TULP3: variants seen among roughly 807,000 people sequenced by gnomAD.
The protein encoded by TULP3 is TUB like protein 3, also known as tubby-related protein 3.
A neutral mutation model predicts 50.7 loss-of-function variants in TULP3; 38 were observed. That is an observed-to-expected ratio of 0.75 (90% CI 0.58 to 0.98). The LOEUF is 0.98. TULP3 is among the 50% of genes least tolerant of loss of function. The pLI, the probability that TULP3 is intolerant of heterozygous loss-of-function variation, is 0.00. For missense variants in TULP3, 550 were observed against 568.0 expected, an observed-to-expected ratio of 0.97 and a Z score of 0.32; for synonymous variants, 183 against 196.6, an observed-to-expected ratio of 0.93 and a Z score of 0.58.
At position 2,930,279 on chromosome 12, in the gene TULP3, G is replaced by C; in HGVS notation, c.426G>C (p.Glu142Asp). 2 of 1,612,836 alleles carry C rather than the reference G, an allele frequency of 1.2e-6. No individual in the cohort carries two copies. Among genetic ancestry groups the C allele is most frequent in the Non-Finnish European group, 1.7e-6 (2 of 1,179,370 alleles). ...CTGAAAGTGTGAACTTCGATGAGGAGACTGATGGAATATCCCAGTCAGCAT... is the reference window on the plus strand; with the variant it reads ...CTGAAAGTGTGAACTTCGATGAGGACACTGATGGAATATCCCAGTCAGCAT... The part of the protein sequence containing the change: ...DISESVNFDE[E>D]TDGISQSACL... The change falls in exon 5 of 11, where the codon GAG becomes GAC. Residue 142 changes from glutamate to aspartate, a missense_variant. Transcript: ENST00000448120.
chr12:2,891,550 C>T (rs2098172097), intron 1 of TULP3, among the ~76,000 whole-genome samples: 2 of 152,198 alleles, frequency 1.3e-5, no homozygotes, highest in African/African-American at 4.8e-5. Context: ...GTGGGCCACA[C>T]CCCTTGTTTG....
intron 6 of TULP3, among the ~76,000 whole-genome samples, chr12:2,932,718 G>T (rs905828828): frequency 2.0e-5 from 3 of 151,982 alleles, no homozygotes; most frequent in Non-Finnish European, 4.4e-5. Flanking sequence ...ATTTTGCAAG[G>T]TTGCCCAGGC....
chr12:2,908,373 TAA>T (rs1323437538), intron 1 of TULP3, among the ~76,000 whole-genome samples: 2 of 152,136 alleles, frequency 1.3e-5, no homozygotes, highest in African/African-American at 4.8e-5. Context: ...AGTCACAAAA[TAA>T]AAGTCTTAAA....
intron 1 of TULP3, among the ~76,000 whole-genome samples, chr12:2,906,831 GCTTGAAT>G (rs2098182586): frequency 6.6e-6 from 1 of 151,202 alleles, no homozygotes; most frequent in Non-Finnish European, 1.5e-5. Flanking sequence ...CAGGAGAATC[GCTTGAAT>G]CTGGGAAGCG....
chr12:2,923,979 TCAA>T (rs890006747), intron 4 of TULP3, among the ~76,000 whole-genome samples: 15 of 152,136 alleles, frequency 9.9e-5, no homozygotes, highest in Admixed American at 4.6e-4. Context: ...GGACCCCGTC[TCAA>T]CAACAACAAC....
In TULP3 at chr12:2,909,618, T is replaced by C. The variant is rs749655268; in HGVS notation, c.93+38T>C. On this transcript the variant is annotated intron_variant, in intron 2 of 10. Coordinates refer to ENST00000448120, the MANE Select transcript of TULP3 (RefSeq NM_003324.5). ...TCCTCTTTTGAAATAGGTGGCCAAC[T>C]ATACTGACCGTGATGCTGATGGTCT... is the stretch of plus-strand genomic sequence containing the variant. The C allele has an allele frequency of 1.9e-6, 3 of 1,564,684 alleles. No homozygotes were observed. The East Asian group carries it at 6.9e-5, about 36-fold the overall frequency.
chr12:2,931,265 A>G, intron 6 of TULP3, 25 bp downstream of exon 6: 1 of 1,608,072 alleles, frequency 6.2e-7, no homozygotes, highest in African/African-American at 1.3e-5. Flanking sequence ...TTCTAAGAAA[A>G]CTCTTGAGAG....
chr12:2,926,449 C>T (rs2098194725), intron 4 of TULP3, among the ~76,000 whole-genome samples: 1 of 152,216 alleles, frequency 6.6e-6, no homozygotes, highest in Non-Finnish European at 1.5e-5. Flanking sequence ...TTGGCCACTG[C>T]ACTCCCACCT....
At chr12:2,915,759 T>C (rs2098188287) in intron 2 of TULP3, among the ~76,000 whole-genome samples, 1 of 151,948 alleles carries the variant, frequency 6.6e-6, no homozygotes. Context: ...TTGGCCAGGA[T>C]GGTTTCAATC....
At chr12:2,935,814 C>A (rs748344510) in intron 8 of TULP3, among the ~76,000 whole-genome samples, 80 of 151,810 alleles carry the variant, frequency 5.3e-4, no homozygotes, top group South Asian at 4.0e-3. Context: ...ACTAAAAATA[C>A]AAAAATTAGC....
intron 4 of TULP3, among the ~76,000 whole-genome samples, chr12:2,927,365 G>GTTTTTTTTTTTT (rs1565505796): frequency 1.8e-4 from 13 of 70,782 alleles, no homozygotes; most frequent in African/African-American, 3.3e-4. Flanking sequence ...AGTTGAGACT[G>GTTTTTTTTTTTT]ATTTTTTTTT....
chr12:2,903,504 G>T (rs2153948258), intron 1 of TULP3, among the ~76,000 whole-genome samples: 1 of 151,078 alleles, frequency 6.6e-6, no homozygotes, highest in South Asian at 2.1e-4. Flanking sequence ...GGAGGTTGCG[G>T]CGAGCCAAGA....
At chr12:2,926,098 A>G (rs1267993793) in intron 4 of TULP3, among the ~76,000 whole-genome samples, 3 of 152,232 alleles carry the variant, frequency 2.0e-5, no homozygotes, top group Non-Finnish European at 4.4e-5. Flanking sequence ...AGACAGATTC[A>G]CGGGAACTGA....
intron 1 of TULP3, 56 bp from the exon 2 acceptor site, chr12:2,909,473 A>T (rs2153948797): frequency 6.6e-7 from 1 of 1,511,324 alleles, no homozygotes; most frequent in East Asian, 2.3e-5. Context: ...AAAAAGATGA[A>T]ATTGACAAGG....
rs768131870 is a variant in TULP3, at chr12:2,934,396, T to C, written c.810-51T>C. ...TTTTCCTTCTCTTAGATTGTGTTTGTATAAGAAAAAAAATACAGATCATCA... is the reference window on the plus strand; with the variant it reads ...TTTTCCTTCTCTTAGATTGTGTTTGCATAAGAAAAAAAATACAGATCATCA... On this transcript the variant is annotated intron_variant, in intron 7 of 10. Transcript: ENST00000448120. 2.4e-6 allele frequency: 3 copies of C among 1,263,530 alleles called. No homozygotes were observed. In the African/African-American group the frequency reaches 4.6e-5, roughly 19 times the overall value. The allele number at this position is 1,263,530 out of a possible 1,614,324, so 78.3% of individuals were successfully genotyped here. A position where few individuals can be genotyped will look rare whatever the true frequency, so the allele number is the denominator to read the frequency against.
intron 1 of TULP3, among the ~76,000 whole-genome samples, chr12:2,891,488 C>T (rs888893009): frequency 1.3e-5 from 2 of 152,190 alleles, no homozygotes; most frequent in African/African-American, 2.4e-5. Flanking sequence ...TCTTTTTCCT[C>T]TCTGCTTTCC....
chr12:2,902,018 C>T (rs2098179587), intron 1 of TULP3, among the ~76,000 whole-genome samples: 1 of 152,048 alleles, frequency 6.6e-6, no homozygotes, highest in Non-Finnish European at 1.5e-5. Context: ...CCTTTTATTT[C>T]CTTTATCTTT....
intron 1 of TULP3, among the ~76,000 whole-genome samples, chr12:2,891,802 C>T (rs539382768): frequency 1.3e-5 from 2 of 152,214 alleles, no homozygotes; most frequent in South Asian, 4.1e-4. Context: ...TCTATTATCC[C>T]CAGCACTTTG....
At chr12:2,910,617 T>C (rs979243690) in intron 2 of TULP3, among the ~76,000 whole-genome samples, 6 of 152,234 alleles carry the variant, frequency 3.9e-5, no homozygotes, top group African/African-American at 1.4e-4. Context: ...CTAGGATCGT[T>C]AACAGTCAAG....
Sources: gnomAD v4.1 joint callset for allele counts (sites outside exome capture counted in the v4.1 genomes callset) on GRCh38, gnomAD v4.1.1 for gene constraint, MANE v1.5 for transcripts, NCBI Gene and HGNC (gene_info 2026-07-23, HGNC 2026-07-21) for gene names.